Variants in ATP11A observed in about 807,000 individuals in gnomAD.
ATP11A encodes the protein ATPase phospholipid transporting 11A, also known as phospholipid-transporting ATPase IH.
A neutral mutation model predicts 154.4 loss-of-function variants in ATP11A; 81 were observed. The observed-to-expected ratio is 0.52, with a 90% CI of 0.44 to 0.63. ATP11A has a LOEUF of 0.63. Ranked by LOEUF, ATP11A falls within the 30% of genes least tolerant of loss-of-function variation. The probability of loss-of-function intolerance (pLI) is 0.00; values close to 1 mark genes in which losing one functional copy is unlikely to be tolerated. For synonymous variants in ATP11A, 623 were observed against 585.9 expected, an observed-to-expected ratio of 1.06 and a Z score of -0.91; for missense variants, 1,316 against 1,474.3, an observed-to-expected ratio of 0.89 and a Z score of 1.76.
intron 2 of ATP11A, among the ~76,000 whole-genome samples, chr13:112,796,310 C>T (rs755444803): frequency 2.0e-5 from 3 of 152,226 alleles, no homozygotes; most frequent in Non-Finnish European, 2.9e-5. Context: ...ATCCCCAGAA[C>T]CTCTGACTAT....
intron 17 of ATP11A, among the ~76,000 whole-genome samples, chr13:112,847,162 A>C (rs955267336): frequency 6.6e-6 from 1 of 152,178 alleles, no homozygotes; most frequent in Non-Finnish European, 1.5e-5. Flanking sequence ...TGAGCTGGGC[A>C]CTTGCAGGGC....
chr13:112,840,862 T>C (rs778388805), intron 16 of ATP11A, among the ~76,000 whole-genome samples: 1 of 152,018 alleles, frequency 6.6e-6, no homozygotes, highest in East Asian at 2.0e-4. Flanking sequence ...CCCCTCCCCA[T>C]GTCCCTCCCA....
At chr13:112,714,081 G>T (rs12016703) in intron 1 of ATP11A, among the ~76,000 whole-genome samples, 4 of 19,154 alleles carry the variant, frequency 2.1e-4, no homozygotes, top group East Asian at 1.3e-3. Context: ...CCACTCCCCC[G>T]ACCCCTGGTC....
chr13:112,832,818 A>G, intron 13 of ATP11A, 42 bp from the exon 14 acceptor site: 1 of 1,592,692 alleles, frequency 6.3e-7, no homozygotes, highest in Non-Finnish European at 8.6e-7. Context: ...TCTTCAGTGG[A>G]CGCACCGTGA....
At position 112,729,383 on chromosome 13, in the gene ATP11A, G is replaced by A. The variant is rs149973558; in HGVS notation, c.39+38928G>A. On this transcript the variant is annotated intron_variant, in intron 1 of 29. Coordinates refer to ENST00000375645, the MANE Select transcript of ATP11A (RefSeq NM_015205.3). ...CACAGTCCCCTCGCCTTAGCATTGCGGGCCCAGAGTATCTAACGCGTCCGA... is the reference window on the plus strand; with the variant it reads ...CACAGTCCCCTCGCCTTAGCATTGCAGGCCCAGAGTATCTAACGCGTCCGA... Among the ~76,000 whole-genome samples, 9 of 151,212 alleles carry A rather than the reference G, an allele frequency of 6.0e-5. No homozygotes were observed. The East Asian group carries it at 7.7e-4, about 13-fold the overall frequency.
At chr13:112,861,264 G>A (rs1256900443) in intron 24 of ATP11A, among the ~76,000 whole-genome samples, 3 of 152,152 alleles carry the variant, frequency 2.0e-5, no homozygotes, top group Non-Finnish European at 4.4e-5. Flanking sequence ...TTCAAGACGA[G>A]ATTTGGGTGA....
intron 4 of ATP11A, among the ~76,000 whole-genome samples, chr13:112,809,644 G>A (rs1207935048): frequency 2.0e-5 from 3 of 152,148 alleles, no homozygotes; most frequent in African/African-American, 4.8e-5. Flanking sequence ...TTCCAATTTC[G>A]ACACTCATTA....
chr13:112,874,531 C>T (rs1049340693), intron 27 of ATP11A, among the ~76,000 whole-genome samples: 2 of 152,132 alleles, frequency 1.3e-5, no homozygotes, highest in African/African-American at 4.8e-5. Flanking sequence ...CAGTCTCAGC[C>T]CCAGCGCAGC....
chr13:112,723,501 A>T (rs983821635), intron 1 of ATP11A, among the ~76,000 whole-genome samples: 2 of 149,746 alleles, frequency 1.3e-5, no homozygotes, highest in Admixed American at 1.3e-4. Flanking sequence ...CAAACTCCTA[A>T]CCTCAGGTGA....
intron 1 of ATP11A, among the ~76,000 whole-genome samples, chr13:112,728,549 G>A (rs553726831): frequency 1.7e-4 from 24 of 140,712 alleles, no homozygotes; most frequent in Non-Finnish European, 3.5e-4. Flanking sequence ...TGTGTGGCCC[G>A]CCTCCCTGTG....
At chr13:112,781,655 C>T (rs185778645) in intron 1 of ATP11A, among the ~76,000 whole-genome samples, 3 of 152,166 alleles carry the variant, frequency 2.0e-5, no homozygotes, top group East Asian at 1.9e-4. Context: ...GGGGGTCCAG[C>T]GTGTTTTCGG....
intron 1 of ATP11A, among the ~76,000 whole-genome samples, chr13:112,735,851 C>G (rs1353823728): frequency 2.6e-5 from 4 of 152,230 alleles, no homozygotes; most frequent in African/African-American, 9.6e-5. Context: ...GGGCTCAGCA[C>G]TAAGGAGCAC....
chr13:112,725,822 C>A (rs12872813), intron 1 of ATP11A, among the ~76,000 whole-genome samples: 1 of 152,146 alleles, frequency 6.6e-6, no homozygotes, highest in Non-Finnish European at 1.5e-5. Flanking sequence ...TGGAACAGAT[C>A]CCTGCGTGCA....
intron 1 of ATP11A, among the ~76,000 whole-genome samples, chr13:112,719,808 C>CCAG (rs1888951090): frequency 6.6e-6 from 1 of 152,170 alleles, no homozygotes; most frequent in Non-Finnish European, 1.5e-5. Flanking sequence ...GGTGACGTGG[C>CCAG]ATTGAGCAGG....
chr13:112,801,095 C>T (rs897249355), intron 2 of ATP11A, among the ~76,000 whole-genome samples: 2 of 150,020 alleles, frequency 1.3e-5, no homozygotes, highest in Admixed American at 1.3e-4. Flanking sequence ...CAAGAAATCC[C>T]TTATCACTGT....
intron 14 of ATP11A, 124 bp from the exon 15 acceptor site, chr13:112,834,465 C>A (rs1368841078): frequency 4.6e-6 from 3 of 652,198 alleles, no homozygotes; most frequent in Non-Finnish European, 8.4e-6. Context: ...AGTTTATAAT[C>A]TCTGTTTAAC....
At chr13:112,878,122 C>T (rs1325628421) in intron 28 of ATP11A, 95 bp from the exon 29 acceptor site, 3 of 1,156,492 alleles carry the variant, frequency 2.6e-6, no homozygotes, top group Non-Finnish European at 3.9e-6. Flanking sequence ...TTTCTCTTTC[C>T]TTCCCATTTC....
At chr13:112,881,591 A>G (rs1183460774) in intron 29 of ATP11A, 24 of 1,175,950 alleles carry the variant, frequency 2.0e-5, no homozygotes, top group Non-Finnish European at 2.6e-5. Flanking sequence ...GGTACTGAAA[A>G]GGAGAGGCCC....
intron 16 of ATP11A, among the ~76,000 whole-genome samples, chr13:112,840,806 C>T (rs377613491): frequency 6.6e-6 from 1 of 152,000 alleles, no homozygotes; most frequent in Non-Finnish European, 1.5e-5. Flanking sequence ...CCTGAGTCCT[C>T]GTCCAAGCTC....
Sources: allele counts gnomAD v4.1 joint callset (sites outside exome capture counted in the v4.1 genomes callset), GRCh38; gene constraint gnomAD v4.1.1; transcripts MANE v1.5; gene names NCBI Gene and HGNC (gene_info 2026-07-23, HGNC 2026-07-21).